The following DGKE variants were observed in gnomAD, a reference collection of about 807,000 sequenced individuals.
DGKE encodes diacylglycerol kinase epsilon.
Under a neutral mutation model 70.0 loss-of-function variants are expected in DGKE, and 53 were observed. The observed-to-expected ratio is 0.76, with a 90% CI of 0.61 to 0.95. The LOEUF (loss-of-function observed/expected upper bound fraction) is 0.95. Ranked by LOEUF, DGKE falls within the 40% of genes least tolerant of loss-of-function variation. The pLI, the probability that DGKE is intolerant of heterozygous loss-of-function variation, is 0.00. For synonymous variants in DGKE, 291 were observed against 257.0 expected (o/e 1.13, Z -1.27); for missense variants, 655 against 706.9 (o/e 0.93, Z 0.83).
At chr17:56,841,294 C>T (rs531832135) in intron 2 of DGKE, among the ~76,000 whole-genome samples, 1 of 150,286 alleles carries the variant, frequency 6.7e-6, no homozygotes, top group Non-Finnish European at 1.5e-5. Flanking sequence ...AGCATTTAAG[C>T]CAACTACAAA....
Position 56,869,296 on chromosome 17 carries a change from G to A in DGKE, c.*6505G>A, listed in dbSNP as rs983194073. The A allele has an allele frequency of 6.6e-5, 10 of 152,242 alleles. No homozygotes were observed. The highest frequency in any genetic ancestry group is 3.4e-3 in the Middle Eastern group (1 of 294). 9.4% of individuals were successfully genotyped at this position (152,242 alleles called of 1,614,324 possible). A position where few individuals can be genotyped will look rare whatever the true frequency, so the allele number is the denominator to read the frequency against. Reference sequence around the variant, plus strand: ...ATTGGTTGGCAACTAATTGACTATCGTCTACCATAAGGTTATATGATAATT... The same window carrying A: ...ATTGGTTGGCAACTAATTGACTATCATCTACCATAAGGTTATATGATAATT... On this transcript the variant is annotated 3_prime_UTR_variant, in exon 12 of 12. Transcript: ENST00000284061.
chr17:56,859,707 C>T (rs1325543960), intron 9 of DGKE, among the ~76,000 whole-genome samples: 1 of 152,176 alleles, frequency 6.6e-6, no homozygotes, highest in Non-Finnish European at 1.5e-5. Context: ...CGTAAGCCAC[C>T]GCGCCCAGCC....
intron 3 of DGKE, 69 bp from the exon 4 acceptor site, chr17:56,845,621 C>A (rs1049038477): frequency 6.7e-7 from 1 of 1,490,992 alleles, no homozygotes; most frequent in Admixed American, 2.2e-5. Context: ...CCATTGTTCT[C>A]AAGGCATGGA....
Position 56,844,104 on chromosome 17 carries a change from A to G in DGKE, c.550A>G (p.Asn184Asp). Residue 184 changes from asparagine to aspartate, a missense_variant, in exon 3 of 12, where the codon AAC becomes GAC. Coordinates refer to ENST00000284061, the MANE Select transcript of DGKE (RefSeq NM_003647.3). ...NEKCDFGEFK[N>D]LIIPPSYLTS... is the part of the protein sequence containing the mutation. ...AAAATGTGATTTTGGAGAATTCAAA[A>G]ACCTAATCATTCCACCAAGTTATTT... is the stretch of plus-strand genomic sequence containing the variant. 6.3e-7 allele frequency: 1 copy of G among 1,590,074 alleles called. No homozygotes were observed. The highest frequency in any genetic ancestry group is 1.2e-5 in the South Asian group (1 of 86,586).
chr17:56,860,590 A>T (rs1199523737), intron 9 of DGKE, among the ~76,000 whole-genome samples: 1 of 152,240 alleles, frequency 6.6e-6, no homozygotes, highest in Non-Finnish European at 1.5e-5. Flanking sequence ...GTTATATAAG[A>T]AAAGCATGTG....
intron 7 of DGKE, among the ~76,000 whole-genome samples, chr17:56,855,759 A>G (rs1907904130): frequency 6.6e-6 from 1 of 152,148 alleles, no homozygotes; most frequent in South Asian, 2.1e-4. Context: ...TAATCGCAGC[A>G]CTTTGGGAGG....
At chr17:56,856,705 C>T (rs1907971670) in intron 8 of DGKE, 80 bp downstream of exon 8, 1 of 1,466,454 alleles carries the variant, frequency 6.8e-7, no homozygotes, top group African/African-American at 1.4e-5. Flanking sequence ...TTTAGCACTC[C>T]TAGATTCAGA....
At position 56,834,279 on chromosome 17, in the gene DGKE, G is replaced by A. The variant is rs1268395489; in HGVS notation, c.-19+19G>A. ...GCGCGAGGTAGGGCTTCGAGGACCG[G>A]CGCGGCGCAGGTCTCCGGAGGCCTC... On this transcript the variant is annotated intron_variant, in intron 1 of 11. Coordinates refer to ENST00000284061, the MANE Select transcript of DGKE (RefSeq NM_003647.3). 6.5e-6 allele frequency: 1 copy of A among 153,284 alleles called. No individual in the cohort carries two copies. Among genetic ancestry groups the A allele is most frequent in the Non-Finnish European group, 1.5e-5 (1 of 68,802 alleles). 9.5% of individuals were successfully genotyped at this position (153,284 alleles called of 1,614,324 possible). A position where few individuals can be genotyped will look rare whatever the true frequency, so the allele number is the denominator to read the frequency against.
chr17:56,861,801 A>G lies in DGKE; in HGVS notation c.1295A>G (p.Asp432Gly). The change falls in exon 10 of 12, where the codon GAT becomes GGT. Residue 432 changes from aspartate (D) to glycine (G), a missense_variant. Asp to Gly is a moderately conservative substitution (Grantham distance 94). Coordinates refer to ENST00000284061, the MANE Select transcript of DGKE (RefSeq NM_003647.3). ...TGTATTTCTTTAAAGCTAGAACTGG[A>G]TGGTGAGCGAGTAGCACTGCCCAGC... Reference protein sequence around the residue: ...DLNKKVELELDGERVALPSLE... With the variant: ...DLNKKVELELGGERVALPSLE... 1 of 1,612,716 alleles carries G rather than the reference A, an allele frequency of 6.2e-7. No individual in the cohort carries two copies. The highest frequency in any genetic ancestry group is 8.5e-7 in the Non-Finnish European group (1 of 1,179,726).
chr17:56,844,224 G>A, intron 3 of DGKE, 46 bp downstream of exon 3: 1 of 1,306,160 alleles, frequency 7.7e-7, no homozygotes, highest in Non-Finnish European at 1.0e-6. Context: ...TTAAAAAGCT[G>A]CTTAACTCAT....
In DGKE at chr17:56,862,744, G is replaced by T; in HGVS notation, c.1657G>T (p.Asp553Tyr). ...LYFSGEQTDD[D>Y]ISSTSDQEDI... ...TTTCTCTGGAGAACAAACAGATGAT[G>T]ACATCTCTAGTACTTCGGATCAAGA... is the stretch of plus-strand genomic sequence containing the variant. The change falls in exon 12 of 12, where the codon GAC becomes TAC. Residue 553 changes from aspartate to tyrosine, a missense_variant. Asp to Tyr is a radical substitution (Grantham distance 160). Transcript: ENST00000284061. 6.2e-7 allele frequency: 1 copy of T among 1,606,200 alleles called. No homozygotes were observed. The highest frequency in any genetic ancestry group is 8.5e-7 in the Non-Finnish European group (1 of 1,177,834).
rs567753607 is a variant in DGKE, at chr17:56,837,232, C to T, written c.464+1973C>T. Among the ~76,000 whole-genome samples, 489 of 151,584 alleles carry T rather than the reference C, an allele frequency of 3.2e-3. 1 individual carries two copies. The highest frequency in any genetic ancestry group is 4.7e-3 in the Non-Finnish European group (320 of 67,920). ...TTTTTTTGTTTTTTTTTTCTGGCAA[C>T]CCTAGCCCAACCCCAGACCTACTAA... is the stretch of plus-strand genomic sequence containing the variant. On this transcript the variant is annotated intron_variant, in intron 2 of 11. Coordinates refer to ENST00000284061, the MANE Select transcript of DGKE (RefSeq NM_003647.3).
rs1481854107 is a variant in DGKE at position 56,867,448 on chromosome 17, A to T, written c.*4657A>T. The T allele has an allele frequency of 6.6e-6, 1 of 152,194 alleles. No homozygotes were observed. The highest frequency in any genetic ancestry group is 2.4e-5 in the African/African-American group (1 of 41,448). 9.4% of individuals were successfully genotyped at this position (152,194 alleles called of 1,614,324 possible). On this transcript the variant is annotated 3_prime_UTR_variant, in exon 12 of 12. Coordinates refer to ENST00000284061, the MANE Select transcript of DGKE (RefSeq NM_003647.3). Reference sequence around the variant, plus strand: ...AACGCCGTCTCTACTAAAAATACAAAAAAAATTAGCCAGGTACATTGGCAC... The same window carrying T: ...AACGCCGTCTCTACTAAAAATACAATAAAAATTAGCCAGGTACATTGGCAC...
intron 11 of DGKE, 130 bp from the exon 12 acceptor site, chr17:56,862,482 C>A: frequency 2.1e-6 from 2 of 941,702 alleles, no homozygotes; most frequent in South Asian, 2.0e-5. Context: ...TGAATAAAAA[C>A]ATATTCAGAT....
chr17:56,851,368 C>G (rs2144253250), intron 7 of DGKE, among the ~76,000 whole-genome samples: 1 of 152,292 alleles, frequency 6.6e-6, no homozygotes, highest in East Asian at 1.9e-4. Context: ...ATACTGAAAA[C>G]AGATTTAGTG....
Position 56,835,096 on chromosome 17 carries a change from A to G in DGKE, c.301A>G (p.Lys101Glu), listed in dbSNP as rs777787526. Residue 101 changes from lysine (K) to glutamate (E), a missense_variant, in exon 2 of 12, where the codon AAG (lysine) becomes GAG (glutamate). By Grantham distance (56) the Lys-to-Glu change is moderately conservative (BLOSUM62 1). Transcript: ENST00000284061. ...CCGCGTGGACGAGGGCTGCCTCAGG[A>G]AGGCCGACAAGCGCTTCCAGTGCAA... Reference protein sequence around the residue: ...GLRVDEGCLRKADKRFQCKEI... With the variant: ...GLRVDEGCLREADKRFQCKEI... 4 of 1,613,634 alleles carry G rather than the reference A, an allele frequency of 2.5e-6. No homozygotes were observed. In the African/African-American group the frequency reaches 5.3e-5, roughly 22 times the overall value.
rs1031144834 is a variant in DGKE, at chr17:56,867,109, T to C, written c.*4318T>C. On this transcript the variant is annotated 3_prime_UTR_variant, in exon 12 of 12. Transcript: ENST00000284061. ...ATGTAAATACACATCAATACATATATATTTACCCATGTGGCCCTGTGTAGT... is the reference window on the plus strand; with the variant it reads ...ATGTAAATACACATCAATACATATACATTTACCCATGTGGCCCTGTGTAGT... The C allele has an allele frequency of 2.0e-5, 3 of 152,228 alleles. No homozygotes were observed. The highest frequency in any genetic ancestry group is 4.4e-5 in the Non-Finnish European group (3 of 68,042). The allele number at this position is 152,228 out of a possible 1,614,324, so 9.4% of individuals were successfully genotyped here.
rs1210718885 is a variant in DGKE, at chr17:56,844,007, TC to T, written c.465-10del. Reference sequence around the variant, plus strand: ...TTAAAATTAGTTAATGCTTGTTTCTTCCTTCCCTCAGGTGCATTTGGTGCCA... The same window carrying T: ...TTAAAATTAGTTAATGCTTGTTTCTTCTTCCCTCAGGTGCATTTGGTGCCA... On this transcript the variant is annotated splice_polypyrimidine_tract_variant and intron_variant, in intron 2 of 11. Transcript: ENST00000284061. 1 of 1,535,730 alleles carries T rather than the reference TC, an allele frequency of 6.5e-7. No homozygotes were observed. Among genetic ancestry groups the T allele is most frequent in the South Asian group, 1.3e-5 (1 of 78,820 alleles).
rs1826999048 is a variant in DGKE, at chr17:56,864,426, T to G, written c.*1635T>G. ...AGCAACTTAGTAATGTATACAGTAG[T>G]CAGTACATTTTATGAAATACTCTAT... On this transcript the variant is annotated 3_prime_UTR_variant, in exon 12 of 12. Transcript: ENST00000284061. 6.6e-6 allele frequency: 1 copy of G among 152,160 alleles called. No homozygotes were observed. The highest frequency in any genetic ancestry group is 1.5e-5 in the Non-Finnish European group (1 of 68,044). The allele number at this position is 152,160 out of a possible 1,614,324, so 9.4% of individuals were successfully genotyped here. A position where few individuals can be genotyped will look rare whatever the true frequency, so the allele number is the denominator to read the frequency against.
Sources: allele counts gnomAD v4.1 joint callset (sites outside exome capture counted in the v4.1 genomes callset), GRCh38; gene constraint gnomAD v4.1.1; transcripts MANE v1.5; gene names NCBI Gene and HGNC (gene_info 2026-07-23, HGNC 2026-07-21).